The following PPP2R1B variants were observed in gnomAD, a reference collection of about 807,000 sequenced individuals.
PPP2R1B encodes serine/threonine-protein phosphatase 2A 65 kDa regulatory subunit A beta isoform.
In PPP2R1B, 58 loss-of-function variants were observed where a neutral mutation model predicts 72.7. The observed-to-expected ratio is 0.80, with a 90% CI of 0.65 to 0.99. The LOEUF is 0.99. PPP2R1B is among the 50% of genes least tolerant of loss of function. The pLI, the probability that PPP2R1B is intolerant of heterozygous loss-of-function variation, is 0.00. For synonymous variants in PPP2R1B, 256 were observed against 264.6 expected, an observed-to-expected ratio of 0.97 and a Z score of 0.32; for missense variants, 695 against 733.6, an observed-to-expected ratio of 0.95 and a Z score of 0.61.
chr11:111,765,162 T>C (rs1945476209), intron 2 of PPP2R1B, 132 bp downstream of exon 2: 1 of 1,045,872 alleles, frequency 9.6e-7, no homozygotes, highest in South Asian at 1.6e-5. Context: ...AACAATATAC[T>C]CTGTTCTGTT....
Position 111,743,429 on chromosome 11 carries a change from T to A in PPP2R1B, c.1501A>T (p.Met501Leu). 6.2e-7 allele frequency: 1 copy of A among 1,613,394 alleles called. No individual in the cohort carries two copies. Residue 501 changes from methionine to leucine, a missense_variant, in exon 12 of 15, where the codon ATG becomes TTG. By Grantham distance (15) the Met-to-Leu change is conservative. Coordinates refer to ENST00000527614, the MANE Select transcript of PPP2R1B (RefSeq NM_002716.5). ...QNTIVPKVLV[M>L]ANDPNYLHRM... ...TGCAAGTAATTAGGATCATTTGCCA[T>A]TACTAACACTTTGGGAACAATAGTA...
chr11:111,740,358 C>T lies in PPP2R1B; in HGVS notation c.*1238G>A. 2 of 852,384 alleles carry T rather than the reference C, an allele frequency of 2.3e-6. No individual in the cohort carries two copies. Among genetic ancestry groups the T allele is most frequent in the Non-Finnish European group, 2.8e-6 (2 of 709,064 alleles). 52.8% of individuals were successfully genotyped at this position (852,384 alleles called of 1,614,324 possible). A position where few individuals can be genotyped will look rare whatever the true frequency, so the allele number is the denominator to read the frequency against. On this transcript the variant is annotated 3_prime_UTR_variant, in exon 15 of 15. Transcript: ENST00000527614. Reference sequence around the variant, plus strand: ...TCAGCCTCCTGAGTAGCTGGGACTACAGGTGTGTGCCACCACGCCCAGCTA... The same window carrying T: ...TCAGCCTCCTGAGTAGCTGGGACTATAGGTGTGTGCCACCACGCCCAGCTA...
At chr11:111,765,817 C>G in intron 1 of PPP2R1B, 1 of 474,198 alleles carries the variant, frequency 2.1e-6, no homozygotes, top group Non-Finnish European at 4.2e-6. Flanking sequence ...CGAGCCAGTT[C>G]CAAGCCGAGA....
intron 13 of PPP2R1B, 44 bp downstream of exon 13, chr11:111,742,479 T>C (rs1944557155): frequency 6.3e-7 from 1 of 1,583,946 alleles, no homozygotes; most frequent in Admixed American, 1.7e-5. Context: ...TAAGGTAAAA[T>C]TTAAAGTACA....
chr11:111,719,980 A>C, the PPP2R1B span: 1 of 1,613,948 alleles, frequency 6.2e-7, no homozygotes, highest in Non-Finnish European at 8.5e-7. Context: ...GTGACCAATC[A>C]ACTGGTCGTG....
At chr11:111,702,225 A>G in the PPP2R1B span, among the ~76,000 whole-genome samples, 4 of 152,166 alleles carry the variant, frequency 2.6e-5, no homozygotes, top group Middle Eastern at 3.2e-3. Context: ...ATCTGCTTCA[A>G]TTTCCCCATC....
At position 111,740,906 on chromosome 11, in the gene PPP2R1B, G is replaced by A; in HGVS notation, c.*690C>T. 1 of 985,456 alleles carries A rather than the reference G, an allele frequency of 1.0e-6. No individual in the cohort carries two copies. Among genetic ancestry groups the A allele is most frequent in the Non-Finnish European group, 1.2e-6 (1 of 829,952 alleles). The allele number at this position is 985,456 out of a possible 1,614,324, so 61.0% of individuals were successfully genotyped here. On this transcript the variant is annotated 3_prime_UTR_variant, in exon 15 of 15. Coordinates refer to ENST00000527614, the MANE Select transcript of PPP2R1B (RefSeq NM_002716.5). ...TATTTTTAAATGTAGGCACAGTGGT[G>A]AGCTGTTCAAATTCAGTTAGGCGTC...
intron 13 of PPP2R1B, 148 bp from the exon 14 acceptor site, chr11:111,742,292 A>C: frequency 1.2e-6 from 1 of 810,996 alleles, no homozygotes; most frequent in Non-Finnish European, 1.9e-6. Flanking sequence ...ATAATGTCTA[A>C]AGAAATTCTC....
chr11:111,733,141 A>C (rs1022656378), downstream of PPP2R1B, among the ~76,000 whole-genome samples: 6 of 152,126 alleles, frequency 3.9e-5, no homozygotes, highest in Non-Finnish European at 8.8e-5. Context: ...CAGGGCAGAG[A>C]GCTTGCCAGG....
chr11:111,697,091 T>C, the PPP2R1B span, among the ~76,000 whole-genome samples: 1 of 152,190 alleles, frequency 6.6e-6, no homozygotes, highest in East Asian at 1.9e-4. Context: ...ATAAAGGTGG[T>C]GGTTAACAAT....
At chr11:111,729,163 G>A (rs546430724) in intron 15 of PPP2R1B, 5 of 152,186 alleles carry the variant, frequency 3.3e-5, no homozygotes, top group Non-Finnish European at 7.3e-5. Flanking sequence ...AATTAAGGTA[G>A]CCTAGCTGAT....
the PPP2R1B span, among the ~76,000 whole-genome samples, chr11:111,715,939 G>C: frequency 3.3e-5 from 5 of 151,700 alleles, no homozygotes; most frequent in African/African-American, 1.2e-4. Context: ...GTAGCTGGGA[G>C]TACAGGCGCC....
chr11:111,719,306 C>G, the PPP2R1B span, among the ~76,000 whole-genome samples: 6 of 145,686 alleles, frequency 4.1e-5, no homozygotes, highest in African/African-American at 1.5e-4. Context: ...TTTCTAAAAC[C>G]TTCCATTATG....
In PPP2R1B at chr11:111,764,710, G is replaced by C. The variant is rs1351035840; in HGVS notation, c.306+95C>G. The stretch of plus-strand genomic sequence containing the variant: ...TGACTATCTGCCCATAAAAAGATCT[G>C]CATAAAAAATGCTGCAGTGTGTCTA... On this transcript the variant is annotated intron_variant, in intron 3 of 14. Transcript: ENST00000527614. 7.4e-6 allele frequency: 9 copies of C among 1,218,828 alleles called. No homozygotes were observed. The African/African-American group carries it at 1.4e-4, about 18-fold the overall frequency. The allele number at this position is 1,218,828 out of a possible 1,614,324, so 75.5% of individuals were successfully genotyped here. A position where few individuals can be genotyped will look rare whatever the true frequency, so the allele number is the denominator to read the frequency against.
At chr11:111,748,072 T>G in intron 10 of PPP2R1B, 58 bp from the exon 11 acceptor site, 1 of 1,515,122 alleles carries the variant, frequency 6.6e-7, no homozygotes, top group South Asian at 1.1e-5. Context: ...ATAAAGATGG[T>G]CTATTTACAT....
chr11:111,738,660 C>A lies in PPP2R1B; in HGVS notation c.*2936G>T, dbSNP rs780087208. On this transcript the variant is annotated 3_prime_UTR_variant, in exon 15 of 15. Transcript: ENST00000527614. ...GTATTTCTGTGAGCTGAGGGCAGCC[C>A]GTTATTTCAACAAGACCTCGTTAGA... 1 of 985,376 alleles carries A rather than the reference C, an allele frequency of 1.0e-6. No individual in the cohort carries two copies. The highest frequency in any genetic ancestry group is 1.2e-6 in the Non-Finnish European group (1 of 829,938). 61.0% of individuals were successfully genotyped at this position (985,376 alleles called of 1,614,324 possible). A position where few individuals can be genotyped will look rare whatever the true frequency, so the allele number is the denominator to read the frequency against.
chr11:111,755,877 G>A (rs1386994063), intron 5 of PPP2R1B, among the ~76,000 whole-genome samples: 2 of 152,004 alleles, frequency 1.3e-5, no homozygotes, highest in East Asian at 1.9e-4. Flanking sequence ...GATTACAAGC[G>A]CGAGCCACTG....
downstream of PPP2R1B, chr11:111,737,510 C>T: frequency 6.2e-7 from 1 of 1,614,232 alleles, no homozygotes; most frequent in Non-Finnish European, 8.5e-7. Flanking sequence ...GCCCGAGGGA[C>T]ACTGGGTTCT....
rs1945464121 is a variant in PPP2R1B at position 111,764,888 on chromosome 11, C to T, written c.223G>A (p.Asp75Asn). ...TCAGCAAGAGCTAATAGTACCTCATCTTCATCATAAATTGTATCTGGAAGT... is the reference window on the plus strand; with the variant it reads ...TCAGCAAGAGCTAATAGTACCTCATTTTCATCATAAATTGTATCTGGAAGT... ...PFLTDTIYDE[D>N]EVLLALAEQL... is the part of the protein sequence containing the mutation. The change falls in exon 3 of 15, where the codon GAT becomes AAT. Residue 75 changes from aspartate to asparagine, a missense_variant. Physicochemically the swap from Asp to Asn is conservative, Grantham distance 23. Coordinates refer to ENST00000527614, the MANE Select transcript of PPP2R1B (RefSeq NM_002716.5). 6.2e-7 allele frequency: 1 copy of T among 1,613,834 alleles called. No individual in the cohort carries two copies. The highest frequency in any genetic ancestry group is 1.1e-5 in the South Asian group (1 of 91,086).
Sources: allele counts gnomAD v4.1 joint callset (sites outside exome capture counted in the v4.1 genomes callset), GRCh38; gene constraint gnomAD v4.1.1; transcripts MANE v1.5; gene names NCBI Gene and HGNC (gene_info 2026-07-23, HGNC 2026-07-21).